NOL4: variants seen among roughly 807,000 people sequenced by gnomAD.
NOL4 encodes the protein nucleolar protein 4.
A neutral mutation model predicts 75.9 loss-of-function variants in NOL4; 17 were observed. The ratio of observed to expected loss-of-function variants is 0.22; its 90% CI spans 0.15 to 0.34. NOL4 has a LOEUF of 0.34. Ranked by LOEUF, NOL4 falls within the 10% of genes least tolerant of loss-of-function variation. The probability of loss-of-function intolerance (pLI) is 1.00; values close to 1 mark genes in which losing one functional copy is unlikely to be tolerated. For missense variants in NOL4, 614 were observed against 793.5 expected, an observed-to-expected ratio of 0.77 and a Z score of 2.72; for synonymous variants, 292 against 289.9, an observed-to-expected ratio of 1.01 and a Z score of -0.07.
chr18:34,116,408 C>T (rs2079861056), intron 2 of NOL4, among the ~76,000 whole-genome samples: 1 of 152,172 alleles, frequency 6.6e-6, no homozygotes, highest in South Asian at 2.1e-4. Context: ...CTTTAAGAAG[C>T]CCTACAACTA....
chr18:33,944,557 C>G (rs539901380), intron 8 of NOL4, among the ~76,000 whole-genome samples: 1 of 151,994 alleles, frequency 6.6e-6, no homozygotes, highest in African/African-American at 2.4e-5. Context: ...AGGGTACATA[C>G]TCTTCTGCTA....
intron 2 of NOL4, among the ~76,000 whole-genome samples, chr18:34,128,014 G>A (rs1027384995): frequency 6.6e-6 from 1 of 151,860 alleles, no homozygotes; most frequent in African/African-American, 2.4e-5. Context: ...TGCAGAAAAT[G>A]TCTTCCTAAT....
rs1206841039 is a variant in NOL4, at chr18:33,864,078, A to C, written c.1724-11043T>G. Among the ~76,000 whole-genome samples, 3 of 152,174 alleles carry C rather than the reference A, an allele frequency of 2.0e-5. No individual in the cohort carries two copies. In the East Asian group the frequency reaches 5.8e-4, roughly 29 times the overall value. ...GGAGTGGCTGGGATGCAGGGCACCA[A>C]GTCCCAAGGCTGCACACAGCAGCAA... On this transcript the variant is annotated intron_variant, in intron 10 of 10. Transcript: ENST00000261592.
At chr18:33,979,285 C>A (rs2071753702) in intron 6 of NOL4, among the ~76,000 whole-genome samples, 1 of 151,740 alleles carries the variant, frequency 6.6e-6, no homozygotes, top group African/African-American at 2.4e-5. Context: ...GATGAGAGGG[C>A]AAAAAGAAGA....
Position 34,169,057 on chromosome 18 carries a change from A to C in NOL4, c.265-39037T>G, listed in dbSNP as rs150053790. 5.9e-3 allele frequency among the ~76,000 whole-genome samples: 893 copies of C among 152,072 alleles called. 9 individuals are homozygous for C. The highest frequency in any genetic ancestry group is 0.02 in the African/African-American group (844 of 41,562). ...TTTATAATAAATATCAATATCCTTTAGGCAGAAATGTCTTTCAAGCAGAAT... is the reference window on the plus strand; with the variant it reads ...TTTATAATAAATATCAATATCCTTTCGGCAGAAATGTCTTTCAAGCAGAAT... On this transcript the variant is annotated intron_variant, in intron 1 of 10. Coordinates refer to ENST00000261592, the MANE Select transcript of NOL4 (RefSeq NM_003787.5).
chr18:34,019,550 G>A lies in NOL4; in HGVS notation c.824C>T (p.Ser275Leu), dbSNP rs2074917166. 1 of 1,613,894 alleles carries A rather than the reference G, an allele frequency of 6.2e-7. No individual in the cohort carries two copies. The highest frequency in any genetic ancestry group is 1.1e-5 in the South Asian group (1 of 91,056). Reference sequence around the variant, plus strand: ...GCTGTGTGTTCCCCCTGAAGCAATTGAACTGTGCCCCAGAGTCTCATTGCC... The same window carrying A: ...GCTGTGTGTTCCCCCTGAAGCAATTAAACTGTGCCCCAGAGTCTCATTGCC... Reference protein sequence around the residue: ...FNGNETLGHSSIASGGTHSRE... With the variant: ...FNGNETLGHSLIASGGTHSRE... The change falls in exon 6 of 11, where the codon TCA becomes TTA. Residue 275 changes from serine to leucine, a missense_variant. This residue lies in a region of NOL4 where 196 missense variants were observed against 167.9 expected (regional missense o/e 1.17). Transcript: ENST00000261592.
At chr18:33,877,587 A>T (rs1202529092) in intron 10 of NOL4, among the ~76,000 whole-genome samples, 1 of 151,990 alleles carries the variant, frequency 6.6e-6, no homozygotes, top group Admixed American at 6.6e-5. Context: ...CTATCAAATG[A>T]TTTCTCATGT....
intron 1 of NOL4, among the ~76,000 whole-genome samples, chr18:34,189,980 T>C (rs1600835350): frequency 7.0e-6 from 1 of 141,932 alleles, no homozygotes; most frequent in East Asian, 1.9e-4. Flanking sequence ...GAAAGTTAGA[T>C]ATATGCATAT....
intron 6 of NOL4, among the ~76,000 whole-genome samples, chr18:33,994,164 A>G (rs1206997312): frequency 6.6e-6 from 1 of 151,808 alleles, no homozygotes; most frequent in Non-Finnish European, 1.5e-5. Flanking sequence ...AATAACATCA[A>G]TGAAAGATGA....
At chr18:34,039,345 T>C (rs961439358) in intron 5 of NOL4, among the ~76,000 whole-genome samples, 1 of 151,724 alleles carries the variant, frequency 6.6e-6, no homozygotes, top group African/African-American at 2.4e-5. Context: ...CTGGGTGGCT[T>C]TTTTTTTCCC....
intron 6 of NOL4, among the ~76,000 whole-genome samples, chr18:34,007,686 C>G (rs148556323): frequency 2.6e-5 from 4 of 151,932 alleles, no homozygotes; most frequent in African/African-American, 7.2e-5. Context: ...GTTCATTTTA[C>G]ATCATCATAT....
chr18:33,967,378 C>T (rs1313369009), intron 6 of NOL4, among the ~76,000 whole-genome samples: 2 of 152,150 alleles, frequency 1.3e-5, no homozygotes, highest in South Asian at 2.1e-4. Flanking sequence ...AGAAGACAAC[C>T]TAGGAGATAC....
At chr18:34,101,729 T>C (rs2145643374) in intron 4 of NOL4, among the ~76,000 whole-genome samples, 1 of 152,220 alleles carries the variant, frequency 6.6e-6, no homozygotes, top group Middle Eastern at 3.4e-3. Context: ...CACTGATTTC[T>C]GTAATAACCT....
intron 1 of NOL4, among the ~76,000 whole-genome samples, chr18:34,158,029 T>C (rs1040115144): frequency 1.8e-4 from 28 of 152,140 alleles, no homozygotes; most frequent in Non-Finnish European, 1.3e-4. Flanking sequence ...AAAGAAATAG[T>C]TATCTTGCAT....
chr18:34,063,208 CA>C (rs1456923735), intron 5 of NOL4, among the ~76,000 whole-genome samples: 1 of 152,000 alleles, frequency 6.6e-6, no homozygotes, highest in Non-Finnish European at 1.5e-5. Flanking sequence ...CAGGAGTGAT[CA>C]GACTATGGGA....
At chr18:34,103,741 T>C (rs2079143864) in intron 4 of NOL4, among the ~76,000 whole-genome samples, 1 of 152,034 alleles carries the variant, frequency 6.6e-6, no homozygotes, top group Non-Finnish European at 1.5e-5. Context: ...ACTGTGAACT[T>C]ACCCCCTCTG....
At chr18:34,002,265 A>T (rs980593615) in intron 6 of NOL4, among the ~76,000 whole-genome samples, 1 of 151,864 alleles carries the variant, frequency 6.6e-6, no homozygotes, top group Non-Finnish European at 1.5e-5. Flanking sequence ...TTTTTCCAGT[A>T]GCCCCCCCAT....
At chr18:34,178,323 G>A (rs1217384525) in intron 1 of NOL4, among the ~76,000 whole-genome samples, 2 of 151,676 alleles carry the variant, frequency 1.3e-5, no homozygotes, top group African/African-American at 4.8e-5. Flanking sequence ...CAGTAAAGAA[G>A]GAATTGCGGG....
intron 10 of NOL4, among the ~76,000 whole-genome samples, chr18:33,879,077 G>A (rs1057176225): frequency 2.7e-4 from 41 of 152,034 alleles, no homozygotes; most frequent in Admixed American, 1.2e-3. Flanking sequence ...TTAAACAATT[G>A]AAGTTTATTT....
Sources: allele counts gnomAD v4.1 joint callset (sites outside exome capture counted in the v4.1 genomes callset), GRCh38; gene constraint gnomAD v4.1.1; regional missense constraint gnomAD v4.1.1; transcripts MANE v1.5; gene names NCBI Gene and HGNC (gene_info 2026-07-23, HGNC 2026-07-21).